Variants in ABCB11 observed in about 807,000 individuals in gnomAD.
ABCB11 encodes the protein bile salt export pump.
Under a neutral mutation model 148.0 loss-of-function variants are expected in ABCB11, and 95 were observed. The ratio of observed to expected loss-of-function variants is 0.64; its 90% CI spans 0.54 to 0.76. The LOEUF is 0.76. ABCB11 is among the 30% of genes least tolerant of loss of function. The probability of loss-of-function intolerance (pLI) is 0.00; values close to 1 mark genes in which losing one functional copy is unlikely to be tolerated. For missense variants in ABCB11, 1,523 were observed against 1,617.8 expected, an observed-to-expected ratio of 0.94 and a Z score of 1.01; for synonymous variants, 591 against 555.4, an observed-to-expected ratio of 1.06 and a Z score of -0.90.
At chr2:168,951,716 T>G (rs1692577949) in intron 19 of ABCB11, among the ~76,000 whole-genome samples, 1 of 151,644 alleles carries the variant, frequency 6.6e-6, no homozygotes, top group Non-Finnish European at 1.5e-5. Flanking sequence ...GGCTTCCTCT[T>G]TTCTAATTTG....
chr2:168,958,804 C>T (rs1326426686), intron 18 of ABCB11, among the ~76,000 whole-genome samples: 1 of 151,642 alleles, frequency 6.6e-6, no homozygotes, highest in Non-Finnish European at 1.5e-5. Context: ...AAATATTATA[C>T]ATGGACCTCC....
intron 1 of ABCB11, among the ~76,000 whole-genome samples, chr2:169,029,058 C>A (rs1695783832): frequency 6.6e-6 from 1 of 151,848 alleles, no homozygotes; most frequent in East Asian, 1.9e-4. Flanking sequence ...GTGGAGAGCA[C>A]CCGCCCCCAC....
chr2:168,995,369 C>T lies in ABCB11; in HGVS notation c.591G>A (p.Glu197=). The part of the protein sequence containing the change: ...IGWFDCNSVG[E]LNTRFSDDIN... The stretch of plus-strand genomic sequence containing the variant: ...CTTACTCAGAGAATCTTGTATTCAG[C>T]TCCCCCACTGAATTGCAGTCAAACC... The change falls in exon 7 of 28, where the codon GAG becomes GAA. Residue 197 remains glutamate (E), a synonymous_variant. Transcript: ENST00000650372. The T allele has an allele frequency of 6.2e-7, 1 of 1,612,230 alleles. No individual in the cohort carries two copies. Among genetic ancestry groups the T allele is most frequent in the East Asian group, 2.2e-5 (1 of 44,814 alleles).
chr2:168,944,686 A>G lies in ABCB11; in HGVS notation c.2529T>C (p.Asp843=). 6.2e-7 allele frequency: 1 copy of G among 1,612,900 alleles called. No homozygotes were observed. The highest frequency in any genetic ancestry group is 1.1e-5 in the South Asian group (1 of 91,032). ...KFGFRAMLGQ[D]IAWFDDLRNS... ...TTCTGAGGTCATCAAACCAGGCAATATCTTGCCCCAGCATTGCCCTGAAAC... is the reference window on the plus strand; with the variant it reads ...TTCTGAGGTCATCAAACCAGGCAATGTCTTGCCCCAGCATTGCCCTGAAAC... The change falls in exon 21 of 28, where the codon GAT becomes GAC. Residue 843 remains aspartate (D), a synonymous_variant. Coordinates refer to ENST00000650372, the MANE Select transcript of ABCB11 (RefSeq NM_003742.4).
At position 168,965,376 on chromosome 2, in the gene ABCB11, C is replaced by T. The variant is rs10164496; in HGVS notation, c.2076-1068G>A. Among the ~76,000 whole-genome samples, 1,038 of 151,792 alleles carry T rather than the reference C, an allele frequency of 6.8e-3. 18 individuals are homozygous for T. Among genetic ancestry groups the T allele is most frequent in the African/African-American group, 0.024 (982 of 41,462 alleles). The stretch of plus-strand genomic sequence containing the variant: ...ATCTTAAAGTATTTAGTGCTGGGAG[C>T]TGTTGACAATTATGTTGAGACCTTC... On this transcript the variant is annotated intron_variant, in intron 17 of 27. Transcript: ENST00000650372.
At chr2:169,022,804 A>G (rs1351511004) in intron 1 of ABCB11, among the ~76,000 whole-genome samples, 2 of 151,894 alleles carry the variant, frequency 1.3e-5, no homozygotes. Flanking sequence ...GTTAAACATA[A>G]TTCAGCAGTT....
chr2:169,005,767 C>A (rs1455628449), intron 5 of ABCB11, among the ~76,000 whole-genome samples: 3 of 152,130 alleles, frequency 2.0e-5, no homozygotes, highest in East Asian at 1.9e-4. Context: ...CTCAATTTAG[C>A]CATTCCACAA....
chr2:168,977,703 A>G (rs764091965), intron 11 of ABCB11, among the ~76,000 whole-genome samples: 1 of 152,186 alleles, frequency 6.6e-6, no homozygotes, highest in Non-Finnish European at 1.5e-5. Context: ...GGGAGGCCTC[A>G]GGAAACTTAC....
chr2:168,971,111 C>A (rs1249993915), intron 14 of ABCB11, among the ~76,000 whole-genome samples: 2 of 151,688 alleles, frequency 1.3e-5, no homozygotes, highest in East Asian at 3.9e-4. Context: ...TTGTCTTTAC[C>A]ATTTACTTGT....
intron 1 of ABCB11, among the ~76,000 whole-genome samples, 181 bp downstream of exon 1, chr2:169,031,044 T>C (rs764145466): frequency 6.6e-6 from 1 of 152,230 alleles, no homozygotes; most frequent in African/African-American, 2.4e-5. Flanking sequence ...AAGAGTCATC[T>C]GTATTGTATA....
At chr2:168,988,988 T>C (rs936520894) in intron 9 of ABCB11, among the ~76,000 whole-genome samples, 3 of 152,170 alleles carry the variant, frequency 2.0e-5, no homozygotes, top group Admixed American at 6.6e-5. Flanking sequence ...GTTGTTTTCT[T>C]GTCATTGAGT....
chr2:169,010,870 T>C (rs1030715023), intron 5 of ABCB11, among the ~76,000 whole-genome samples: 1 of 152,220 alleles, frequency 6.6e-6, no homozygotes, highest in Non-Finnish European at 1.5e-5. Context: ...GTATAGTCTA[T>C]ACAATTTCAG....
intron 6 of ABCB11, 58 bp downstream of exon 6, chr2:168,996,577 A>G: frequency 9.6e-7 from 1 of 1,038,620 alleles, no homozygotes; most frequent in Non-Finnish European, 1.4e-6. Context: ...ATTGCATCTC[A>G]TTGTAGTGTC....
intron 25 of ABCB11, among the ~76,000 whole-genome samples, chr2:168,928,879 A>G (rs768203315): frequency 6.6e-6 from 1 of 152,192 alleles, no homozygotes; most frequent in Non-Finnish European, 1.5e-5. Flanking sequence ...AACAGAAGGG[A>G]TTATAAATTA....
chr2:168,929,046 T>G (rs1382295738), intron 25 of ABCB11, among the ~76,000 whole-genome samples: 1 of 152,168 alleles, frequency 6.6e-6, no homozygotes, highest in Non-Finnish European at 1.5e-5. Context: ...CTCTTCATAA[T>G]AGTATATTAC....
At position 168,955,310 on chromosome 2, in the gene ABCB11, G is replaced by A. The variant is rs1235152759; in HGVS notation, c.2343+2654C>T. Reference sequence around the variant, plus strand: ...TCTCACACTGCTATTCCTGACACTGGGTAATTTATGAAGAAAAGAGGTTTA... The same window carrying A: ...TCTCACACTGCTATTCCTGACACTGAGTAATTTATGAAGAAAAGAGGTTTA... On this transcript the variant is annotated intron_variant, in intron 19 of 27. Coordinates refer to ENST00000650372, the MANE Select transcript of ABCB11 (RefSeq NM_003742.4). 3.3e-5 allele frequency among the ~76,000 whole-genome samples: 5 copies of A among 151,384 alleles called. No homozygotes were observed. In the East Asian group the frequency reaches 7.8e-4, roughly 24 times the overall value.
intron 5 of ABCB11, among the ~76,000 whole-genome samples, chr2:168,999,864 G>A (rs566784821): frequency 6.6e-6 from 1 of 152,172 alleles, no homozygotes; most frequent in Middle Eastern, 3.4e-3. Flanking sequence ...TGAGTCATAT[G>A]GTAGTTGAGT....
intron 7 of ABCB11, 143 bp from the exon 8 acceptor site, chr2:168,994,025 T>C: frequency 1.5e-6 from 1 of 687,478 alleles, no homozygotes; most frequent in Non-Finnish European, 2.3e-6. Context: ...TCTCAGATCT[T>C]GGAAAATTTG....
Position 168,936,218 on chromosome 2 carries a change from C to G in ABCB11, c.2814+12G>C, listed in dbSNP as rs374259062. ...GCCATGAGGAATGGGAAAATTAGATCTGCAAGATTACCTGTCCCACCATCT... is the reference window on the plus strand; with the variant it reads ...GCCATGAGGAATGGGAAAATTAGATGTGCAAGATTACCTGTCCCACCATCT... On this transcript the variant is annotated intron_variant, in intron 22 of 27. Transcript: ENST00000650372. 1.1e-4 allele frequency: 175 copies of G among 1,610,202 alleles called. No homozygotes were observed. The highest frequency in any genetic ancestry group is 1.1e-4 in the Non-Finnish European group (131 of 1,177,184).
Sources: gnomAD v4.1 joint callset for allele counts (sites outside exome capture counted in the v4.1 genomes callset) on GRCh38, gnomAD v4.1.1 for gene constraint, MANE v1.5 for transcripts, NCBI Gene and HGNC (gene_info 2026-07-23, HGNC 2026-07-21) for gene names.